CS: variants seen among roughly 807,000 people sequenced by gnomAD.
The protein encoded by CS is citrate synthase, also known as citrate synthase, mitochondrial.
In CS, 13 loss-of-function variants were observed where a neutral mutation model predicts 61.4. The ratio of observed to expected loss-of-function variants is 0.21; its 90% CI spans 0.14 to 0.34. The LOEUF (loss-of-function observed/expected upper bound fraction) is 0.34. Ranked by LOEUF, CS falls within the 10% of genes least tolerant of loss-of-function variation. The pLI is 1.00. For missense variants in CS, 278 were observed against 573.4 expected (o/e 0.48, Z 5.26); for synonymous variants, 159 against 215.2 (o/e 0.74, Z 2.29).
intron 9 of CS, 77 bp from the exon 10 acceptor site, chr12:56,273,873 A>G: frequency 1.5e-6 from 2 of 1,309,568 alleles, no homozygotes; most frequent in Admixed American, 3.5e-5. Flanking sequence ...TCACTCTGTC[A>G]CCCAGGCTGG....
chr12:56,272,145 C>T lies in CS; in HGVS notation c.*939G>A, dbSNP rs1299834894. 12 of 287,822 alleles carry T rather than the reference C, an allele frequency of 4.2e-5. No homozygotes were observed. The highest frequency in any genetic ancestry group is 4.1e-4 in the East Asian group (4 of 9,756). The allele number at this position is 287,822 out of a possible 1,614,324, so 17.8% of individuals were successfully genotyped here. Reference sequence around the variant, plus strand: ...TGTTCAAAAAGAGGTGCTAATACCCCGGGGACAAGACTCTGAAAATATCAT... The same window carrying T: ...TGTTCAAAAAGAGGTGCTAATACCCTGGGGACAAGACTCTGAAAATATCAT... On this transcript the variant is annotated 3_prime_UTR_variant, in exon 11 of 11. Coordinates refer to ENST00000351328, the MANE Select transcript of CS (RefSeq NM_004077.3).
chr12:56,293,662 T>C (rs1873203896), intron 1 of CS, among the ~76,000 whole-genome samples: 1 of 152,088 alleles, frequency 6.6e-6, no homozygotes, highest in Non-Finnish European at 1.5e-5. Context: ...TGCAGTGAGC[T>C]GAGATTGCGC....
chr12:56,279,891 C>G (rs1872724507), intron 6 of CS, among the ~76,000 whole-genome samples: 1 of 150,334 alleles, frequency 6.7e-6, no homozygotes, highest in South Asian at 2.1e-4. Flanking sequence ...TCGCTTGAAC[C>G]CAGGAGGCAG....
chr12:56,295,871 G>A (rs1038281492), intron 1 of CS, among the ~76,000 whole-genome samples: 1 of 145,740 alleles, frequency 6.9e-6, no homozygotes, highest in Non-Finnish European at 1.5e-5. Context: ...GGAGAATGGC[G>A]TGAACCCCAG....
At chr12:56,294,773 T>A (rs909665354) in intron 1 of CS, among the ~76,000 whole-genome samples, 16 of 151,284 alleles carry the variant, frequency 1.1e-4, no homozygotes, top group African/African-American at 3.6e-4. Flanking sequence ...TAGGAACACT[T>A]ACTGTTCTTT....
At position 56,295,751 on chromosome 12, in the gene CS, G is replaced by C. The variant is rs181006907; in HGVS notation, c.42+4409C>G. Among the ~76,000 whole-genome samples the C allele has an allele frequency of 7.5e-3, 1,122 of 150,236 alleles. 18 individuals are homozygous for C. Among genetic ancestry groups the C allele is most frequent in the African/African-American group, 0.026 (1,065 of 40,906 alleles). On this transcript the variant is annotated intron_variant, in intron 1 of 10. Transcript: ENST00000351328. ...GGGCGGATCACGAGGTCAGGAGATC[G>C]AGACCATCCTGGCTAACACGGTGAA...
intron 6 of CS, among the ~76,000 whole-genome samples, chr12:56,280,979 T>C (rs1232497997): frequency 1.3e-5 from 2 of 152,156 alleles, no homozygotes; most frequent in African/African-American, 4.8e-5. Context: ...CTACACACAG[T>C]TGGTGCCAAA....
chr12:56,281,351 GCGT>G (rs1872771751), intron 6 of CS, among the ~76,000 whole-genome samples: 1 of 152,184 alleles, frequency 6.6e-6, no homozygotes, highest in Non-Finnish European at 1.5e-5. Flanking sequence ...ACCCCAACCA[GCGT>G]TGTAAACTAT....
At chr12:56,291,003 C>T (rs1378996591) in intron 1 of CS, among the ~76,000 whole-genome samples, 2 of 152,192 alleles carry the variant, frequency 1.3e-5, no homozygotes, top group Admixed American at 6.5e-5. Flanking sequence ...CCTAAATGAA[C>T]GTTCTGCCAC....
intron 6 of CS, among the ~76,000 whole-genome samples, chr12:56,279,955 G>A (rs999230705): frequency 2.6e-5 from 4 of 151,082 alleles, no homozygotes; most frequent in Non-Finnish European, 4.4e-5. Flanking sequence ...GCAACAGAGC[G>A]AGACTCCATC....
chr12:56,278,754 G>A (rs1341587438), intron 6 of CS, among the ~76,000 whole-genome samples: 2 of 151,440 alleles, frequency 1.3e-5, no homozygotes, highest in African/African-American at 4.8e-5. Flanking sequence ...AAAAAAGTTG[G>A]TAAATAAAAA....
At chr12:56,287,479 C>CAAA (rs61199207) in intron 1 of CS, among the ~76,000 whole-genome samples, 113 of 44,762 alleles carry the variant, frequency 2.5e-3, no homozygotes, top group East Asian at 3.8e-3. Context: ...AAGACTCTGT[C>CAAA]AAAAAAAAAA....
intron 1 of CS, among the ~76,000 whole-genome samples, chr12:56,294,221 C>A (rs1362748419): frequency 2.0e-5 from 3 of 152,012 alleles, no homozygotes; most frequent in African/African-American, 7.2e-5. Flanking sequence ...TGCCTGTAAT[C>A]CCAGCACTTT....
intron 10 of CS, 113 bp from the exon 11 acceptor site, chr12:56,273,367 G>T: frequency 8.5e-7 from 1 of 1,176,916 alleles, no homozygotes; most frequent in Non-Finnish European, 1.2e-6. Context: ...CAAGGACTTA[G>T]CCCAGTCAAC....
intron 8 of CS, 61 bp from the exon 9 acceptor site, chr12:56,274,939 G>C (rs1216245495): frequency 6.2e-7 from 1 of 1,609,098 alleles, no homozygotes; most frequent in Admixed American, 1.7e-5. Flanking sequence ...AGAATGCCAA[G>C]ATCAGAAACA....
At chr12:56,296,323 C>A (rs1406799578) in intron 1 of CS, among the ~76,000 whole-genome samples, 2 of 151,948 alleles carry the variant, frequency 1.3e-5, no homozygotes, top group Non-Finnish European at 2.9e-5. Context: ...ATTAGCCAGG[C>A]GTGGCTGTGC....
intron 8 of CS, 41 bp from the exon 9 acceptor site, chr12:56,274,919 A>G (rs1199489403): frequency 1.2e-6 from 2 of 1,605,996 alleles, no homozygotes; most frequent in Non-Finnish European, 8.5e-7. Flanking sequence ...GTTAATACAT[A>G]TGCCAGAAGA....
At chr12:56,293,544 C>A (rs1873200460) in intron 1 of CS, among the ~76,000 whole-genome samples, 1 of 152,114 alleles carries the variant, frequency 6.6e-6, no homozygotes, top group Admixed American at 6.5e-5. Flanking sequence ...TGGTGACACC[C>A]CATCTCTACT....
intron 2 of CS, 71 bp from the exon 3 acceptor site, chr12:56,286,094 C>A: frequency 7.4e-7 from 1 of 1,349,810 alleles, no homozygotes; most frequent in South Asian, 1.2e-5. Context: ...GTAGGTGTGT[C>A]AAGAATTTGC....
Sources: allele counts gnomAD v4.1 joint callset (sites outside exome capture counted in the v4.1 genomes callset), GRCh38; gene constraint gnomAD v4.1.1; transcripts MANE v1.5; gene names NCBI Gene and HGNC (gene_info 2026-07-23, HGNC 2026-07-21).